The following AFF3 variants were observed in gnomAD, a reference collection of about 807,000 sequenced individuals.
AFF3 encodes AF4/FMR2 family member 3.
In AFF3, 32 loss-of-function variants were observed where a neutral mutation model predicts 129.7. That is an observed-to-expected ratio of 0.25 (90% CI 0.19 to 0.33). The LOEUF (loss-of-function observed/expected upper bound fraction) is 0.33, where lower values mean the gene tolerates loss of function less well. Ranked by LOEUF, AFF3 falls within the 10% of genes least tolerant of loss-of-function variation. The pLI is 1.00. For missense variants in AFF3, 1,373 were observed against 1,592.0 expected (o/e 0.86, Z 2.34); for synonymous variants, 644 against 635.4 (o/e 1.01, Z -0.20).
intron 7 of AFF3, among the ~76,000 whole-genome samples, chr2:99,905,180 T>A (rs887151079): frequency 6.6e-6 from 1 of 152,180 alleles, no homozygotes; most frequent in Non-Finnish European, 1.5e-5. Context: ...TTTGTGGGAA[T>A]CTGATGGCGC....
intron 10 of AFF3, among the ~76,000 whole-genome samples, chr2:99,731,029 C>T (rs1053114925): frequency 2.0e-5 from 3 of 152,124 alleles, no homozygotes; most frequent in African/African-American, 4.8e-5. Flanking sequence ...TCTTGGCTTA[C>T]TGCAATCTCT....
At chr2:100,053,041 T>C (rs1686477837) in intron 4 of AFF3, among the ~76,000 whole-genome samples, 1 of 152,224 alleles carries the variant, frequency 6.6e-6, no homozygotes, top group East Asian at 1.9e-4. Flanking sequence ...CCTGAGAGTT[T>C]ACTCTGCATA....
At chr2:99,722,163 C>T (rs1200793551) in intron 11 of AFF3, among the ~76,000 whole-genome samples, 1 of 152,064 alleles carries the variant, frequency 6.6e-6, no homozygotes, top group Non-Finnish European at 1.5e-5. Flanking sequence ...CTATGTTTTC[C>T]TTTACATCCT....
In AFF3 at chr2:99,761,452, A is replaced by C. The variant is rs997944044; in HGVS notation, c.922-9151T>G. Among the ~76,000 whole-genome samples the C allele has an allele frequency of 4.6e-5, 7 of 151,128 alleles. No homozygotes were observed. The East Asian group carries it at 1.4e-3, about 29-fold the overall frequency. On this transcript the variant is annotated intron_variant, in intron 8 of 24. Transcript: ENST00000672756. ...ACACACTGATGGTGCATAGACTTTC[A>C]TGTGCTCCATCTGCACAATGCCCTC...
intron 7 of AFF3, among the ~76,000 whole-genome samples, chr2:99,860,912 C>G (rs1229671781): frequency 6.6e-6 from 1 of 152,126 alleles, no homozygotes; most frequent in African/African-American, 2.4e-5. Flanking sequence ...CACTTAAAAT[C>G]TGCTCTCTCA....
intron 4 of AFF3, among the ~76,000 whole-genome samples, chr2:100,064,348 A>G (rs1687550454): frequency 6.6e-6 from 1 of 152,136 alleles, no homozygotes; most frequent in Admixed American, 6.5e-5. Flanking sequence ...TGGGGAGAGT[A>G]TCAATATGAC....
chr2:99,805,676 T>G (rs778551510), intron 8 of AFF3, among the ~76,000 whole-genome samples: 2 of 152,210 alleles, frequency 1.3e-5, no homozygotes, highest in Non-Finnish European at 2.9e-5. Flanking sequence ...CCTGTAACAC[T>G]CTATACATAT....
intron 10 of AFF3, among the ~76,000 whole-genome samples, chr2:99,738,509 T>C (rs1487989256): frequency 1.3e-5 from 2 of 152,180 alleles, no homozygotes; most frequent in African/African-American, 4.8e-5. Flanking sequence ...TTCTAAGGAC[T>C]GCAATTATAC....
chr2:100,083,614 G>T lies in AFF3; in HGVS notation c.53+20788C>A, dbSNP rs529977235. Among the ~76,000 whole-genome samples, 107 of 152,318 alleles carry T rather than the reference G, an allele frequency of 7.0e-4. 1 individual carries two copies. The highest frequency in any genetic ancestry group is 2.5e-3 in the African/African-American group (103 of 41,560). On this transcript the variant is annotated intron_variant, in intron 4 of 24. Transcript: ENST00000672756. ...TCAGCGCCTGCTCATAATGGAAAAC[G>T]GCTGCTGCCAGAGCCACTTCCACCC...
At chr2:99,945,119 G>T (rs920881000) in intron 7 of AFF3, among the ~76,000 whole-genome samples, 7 of 152,188 alleles carry the variant, frequency 4.6e-5, no homozygotes, top group Non-Finnish European at 1.5e-5. Context: ...AACTCATGCA[G>T]GATGATAAGG....
At chr2:100,012,415 G>C (rs1168533445) in intron 4 of AFF3, among the ~76,000 whole-genome samples, 1 of 152,136 alleles carries the variant, frequency 6.6e-6, no homozygotes, top group Non-Finnish European at 1.5e-5. Flanking sequence ...TTCATGGCTA[G>C]GGAGCTAAAA....
chr2:99,593,681 G>A lies in AFF3; in HGVS notation c.1980C>T (p.Pro660=). ...CTGTCTCAATGAACTCCTTGGATTT[G>A]GGGACGATCCTGCTTAGCCCCCGCG... ...RRTRGLSRIV[P]KSKEFIETES... Residue 660 remains proline, a synonymous_variant, in exon 15 of 25, where the codon CCC becomes CCT. Coordinates refer to ENST00000672756, the MANE Select transcript of AFF3 (RefSeq NM_001386135.1). The A allele has an allele frequency of 6.2e-7, 1 of 1,605,220 alleles. No homozygotes were observed. Among genetic ancestry groups the A allele is most frequent in the South Asian group, 1.1e-5 (1 of 90,856 alleles).
intron 8 of AFF3, among the ~76,000 whole-genome samples, chr2:99,791,655 G>A (rs1023768592): frequency 3.3e-5 from 5 of 152,214 alleles, no homozygotes; most frequent in Admixed American, 2.6e-4. Context: ...TACTCACAGT[G>A]CTTTCCTGGT....
chr2:100,128,259 T>G (rs1353153933), intron 2 of AFF3, among the ~76,000 whole-genome samples: 2 of 152,208 alleles, frequency 1.3e-5, no homozygotes, highest in Non-Finnish European at 2.9e-5. Context: ...TGTTTTCACT[T>G]GACTCTGTGA....
At chr2:99,565,386 G>T (rs1675864279) in intron 20 of AFF3, 101 bp downstream of exon 20, 2 of 1,491,282 alleles carry the variant, frequency 1.3e-6, no homozygotes. Context: ...ACTGGTTCCT[G>T]GTGGGGGATG....
chr2:99,665,406 T>C (rs1210574433), intron 12 of AFF3, among the ~76,000 whole-genome samples: 1 of 152,202 alleles, frequency 6.6e-6, no homozygotes, highest in African/African-American at 2.4e-5. Flanking sequence ...AGTGACTACC[T>C]GAGTGAGGAA....
chr2:100,111,950 T>C (rs1691524261), intron 2 of AFF3, among the ~76,000 whole-genome samples: 2 of 152,236 alleles, frequency 1.3e-5, no homozygotes. Flanking sequence ...CTCCCTGTTT[T>C]ACTTTTCAAG....
At chr2:99,914,361 A>G (rs1454266327) in intron 7 of AFF3, among the ~76,000 whole-genome samples, 2 of 152,228 alleles carry the variant, frequency 1.3e-5, no homozygotes, top group Admixed American at 1.3e-4. Context: ...TTTGTAAGGG[A>G]CAAAACAAGC....
intron 4 of AFF3, among the ~76,000 whole-genome samples, chr2:100,043,921 C>T (rs963536303): frequency 3.3e-5 from 5 of 152,238 alleles, no homozygotes; most frequent in African/African-American, 9.6e-5. Context: ...TTCATCCTCA[C>T]TTAAATTTGC....
Sources: allele counts gnomAD v4.1 joint callset (sites outside exome capture counted in the v4.1 genomes callset), GRCh38; gene constraint gnomAD v4.1.1; transcripts MANE v1.5; gene names NCBI Gene and HGNC (gene_info 2026-07-23, HGNC 2026-07-21).